The following HNF4G variants were observed in gnomAD, a reference collection of about 807,000 sequenced individuals.
The protein encoded by HNF4G is hepatocyte nuclear factor 4-gamma.
A neutral mutation model predicts 50.9 loss-of-function variants in HNF4G; 21 were observed. The observed-to-expected ratio is 0.41, with a 90% confidence interval of 0.29 to 0.59. The LOEUF (loss-of-function observed/expected upper bound fraction) is 0.59. HNF4G is among the 20% of genes least tolerant of loss of function. The pLI is 0.26. For synonymous variants in HNF4G, 198 were observed against 185.6 expected (o/e 1.07, Z -0.54); for missense variants, 527 against 559.4 (o/e 0.94, Z 0.58).
chr8:75,538,742 A>G (rs189728405), upstream of HNF4G, among the ~76,000 whole-genome samples: 353 of 152,318 alleles, frequency 2.3e-3, 2 homozygotes, highest in African/African-American at 8.2e-3. Context: ...GACTATTCCA[A>G]TGATCACTGT....
chr8:75,521,015 C>T (rs966637450), intron 2 of HNF4G, among the ~76,000 whole-genome samples: 10 of 151,772 alleles, frequency 6.6e-5, no homozygotes, highest in African/African-American at 2.2e-4. Context: ...ATAAAAAATG[C>T]CAAGTTTTCT....
intron 2 of HNF4G, among the ~76,000 whole-genome samples, chr8:75,515,799 C>A (rs1230447464): frequency 2.0e-5 from 3 of 150,498 alleles, no homozygotes; most frequent in Non-Finnish European, 4.4e-5. Context: ...GAATTTCATT[C>A]TTGTTGCCCA....
At position 75,501,751 on chromosome 8, in the gene HNF4G, G is replaced by A. The variant is rs76718109; in HGVS notation, c.-24+11543G>A. On this transcript the variant is annotated intron_variant, in intron 2 of 10. Transcript: ENST00000354370. ...GTATATATTTATGGTATACAACATTGGTGTTTTGAAATACGTATCTATCTT... is the reference window on the plus strand; with the variant it reads ...GTATATATTTATGGTATACAACATTAGTGTTTTGAAATACGTATCTATCTT... Among the ~76,000 whole-genome samples the A allele has an allele frequency of 2.2e-4, 33 of 152,002 alleles. No homozygotes were observed. The East Asian group carries it at 4.8e-3, about 22-fold the overall frequency.
chr8:75,469,708 T>A (rs921992994), intron 1 of HNF4G, among the ~76,000 whole-genome samples: 3 of 152,156 alleles, frequency 2.0e-5, no homozygotes, highest in Non-Finnish European at 2.9e-5. Context: ...ATCTTAAGCC[T>A]GTGGCTCCTT....
intron 1 of HNF4G, among the ~76,000 whole-genome samples, chr8:75,410,133 G>T (rs563334081): frequency 1.8e-4 from 28 of 152,018 alleles, no homozygotes; most frequent in African/African-American, 6.8e-4. Context: ...TATTCGCTTG[G>T]ATTTTTCAAT....
intron 1 of HNF4G, among the ~76,000 whole-genome samples, chr8:75,482,713 T>C (rs1335706201): frequency 6.6e-6 from 1 of 152,160 alleles, no homozygotes; most frequent in Admixed American, 6.6e-5. Context: ...GATCGCCTTT[T>C]GATGTTTGTC....
At chr8:75,527,467 C>T (rs1026144001) in intron 2 of HNF4G, among the ~76,000 whole-genome samples, 1 of 152,106 alleles carries the variant, frequency 6.6e-6, no homozygotes, top group African/African-American at 2.4e-5. Context: ...ATTCAATGTT[C>T]ACAATGACTT....
intron 1 of HNF4G, among the ~76,000 whole-genome samples, chr8:75,436,207 T>C (rs1190257040): frequency 6.6e-6 from 1 of 152,182 alleles, no homozygotes; most frequent in Non-Finnish European, 1.5e-5. Context: ...GTTTTTAAAA[T>C]GACAGTTTTA....
chr8:75,458,623 C>T (rs1811778097), intron 1 of HNF4G, among the ~76,000 whole-genome samples: 1 of 152,114 alleles, frequency 6.6e-6, no homozygotes, highest in African/African-American at 2.4e-5. Context: ...AATTGTATCT[C>T]CTTAATGTCT....
At chr8:75,491,253 T>G (rs1354259601) in intron 2 of HNF4G, among the ~76,000 whole-genome samples, 2 of 152,188 alleles carry the variant, frequency 1.3e-5, no homozygotes, top group Non-Finnish European at 2.9e-5. Context: ...TAGGTATCAG[T>G]GATGTTTGCA....
At chr8:75,415,715 T>C (rs1296898684) in intron 1 of HNF4G, among the ~76,000 whole-genome samples, 2 of 151,926 alleles carry the variant, frequency 1.3e-5, no homozygotes, top group Admixed American at 6.6e-5. Context: ...GAAGTCAATA[T>C]CAAATATAGG....
Position 75,502,347 on chromosome 8 carries a change from T to G in HNF4G, c.-24+12139T>G, listed in dbSNP as rs951845955. Among the ~76,000 whole-genome samples the G allele has an allele frequency of 2.0e-5, 3 of 152,106 alleles. No individual in the cohort carries two copies. The East Asian group carries it at 5.8e-4, about 29-fold the overall frequency. ...TACCCTGTATAAACACAGTAAAACA[T>G]AGAGATAACAAATAATAAAATTTGA... On this transcript the variant is annotated intron_variant, in intron 2 of 10. Transcript: ENST00000354370.
chr8:75,554,095 A>T (rs1807048047), intron 5 of HNF4G, among the ~76,000 whole-genome samples: 1 of 152,100 alleles, frequency 6.6e-6, no homozygotes, highest in Admixed American at 6.6e-5. Flanking sequence ...CAGGAAAAAA[A>T]AATACAGTGA....
chr8:75,481,619 A>T (rs1387511359), intron 1 of HNF4G, among the ~76,000 whole-genome samples: 2 of 152,180 alleles, frequency 1.3e-5, no homozygotes, highest in Admixed American at 1.3e-4. Flanking sequence ...ATAGAAGATA[A>T]CGGTGGGACC....
intron 2 of HNF4G, among the ~76,000 whole-genome samples, chr8:75,520,285 TTATGA>T (rs1186126436): frequency 1.8e-4 from 27 of 152,224 alleles, no homozygotes; most frequent in Admixed American, 1.6e-3. Context: ...TCAATAGTAG[TTATGA>T]TATAAGAAAC....
intron 2 of HNF4G, among the ~76,000 whole-genome samples, chr8:75,490,870 A>T (rs904932397): frequency 1.3e-5 from 2 of 152,232 alleles, no homozygotes; most frequent in Non-Finnish European, 2.9e-5. Context: ...CTCAATAGAA[A>T]ACGTCTTCGC....
Position 75,553,097 on chromosome 8 carries a change from G to A in HNF4G, c.545G>A (p.Ser182Asn). The change falls in exon 5 of 10, where the codon AGT becomes AAT. Residue 182 changes from serine (S) to asparagine (N), a missense_variant. By Grantham distance (46) the Ser-to-Asn change is conservative. Transcript: ENST00000396423. Reference protein sequence around the residue: ...STDINVKKIASIGDVCESMKQ... With the variant: ...STDINVKKIANIGDVCESMKQ... ...GACATAAACGTTAAGAAAATTGCAA[G>A]TATTGGTGATGTCTGTGAATCTATG... 6.2e-7 allele frequency: 1 copy of A among 1,612,652 alleles called. No individual in the cohort carries two copies. Among genetic ancestry groups the A allele is most frequent in the Non-Finnish European group, 8.5e-7 (1 of 1,179,018 alleles).
At chr8:75,472,822 G>A (rs1232732106) in intron 1 of HNF4G, among the ~76,000 whole-genome samples, 2 of 152,090 alleles carry the variant, frequency 1.3e-5, no homozygotes, top group African/African-American at 2.4e-5. Context: ...TTCCCAGTGC[G>A]TAGAGAAGTG....
chr8:75,503,239 C>T (rs940355248), intron 2 of HNF4G, among the ~76,000 whole-genome samples: 1 of 152,098 alleles, frequency 6.6e-6, no homozygotes, highest in African/African-American at 2.4e-5. Flanking sequence ...GCTTACTAAG[C>T]CTTGGGCAAT....
Sources: gnomAD v4.1 joint callset for allele counts (sites outside exome capture counted in the v4.1 genomes callset) on GRCh38, gnomAD v4.1.1 for gene constraint, MANE v1.5 for transcripts, NCBI Gene and HGNC (gene_info 2026-07-23, HGNC 2026-07-21) for gene names.